MTOR: variants seen among roughly 807,000 people sequenced by gnomAD.
MTOR encodes serine/threonine-protein kinase mTOR.
A neutral mutation model predicts 319.8 loss-of-function variants in MTOR; 70 were observed. The observed-to-expected ratio is 0.22, with a 90% CI of 0.18 to 0.27. The LOEUF (loss-of-function observed/expected upper bound fraction) is 0.27, where lower values mean the gene tolerates loss of function less well. Ranked by LOEUF, MTOR falls within the 10% of genes least tolerant of loss-of-function variation. MTOR has a pLI of 1.00. For missense variants in MTOR, 1,890 were observed against 3,274.4 expected (o/e 0.58, Z 10.32); for synonymous variants, 1,183 against 1,211.4 (o/e 0.98, Z 0.49).
chr1:11,156,741 G>A (rs943924403), intron 30 of MTOR, among the ~76,000 whole-genome samples: 2 of 152,174 alleles, frequency 1.3e-5, no homozygotes, highest in African/African-American at 4.8e-5. Context: ...CACACAGTAA[G>A]CATCCGATAT....
chr1:11,174,787 C>T (rs567772899), intron 28 of MTOR, among the ~76,000 whole-genome samples: 1 of 152,302 alleles, frequency 6.6e-6, no homozygotes, highest in Non-Finnish European at 1.5e-5. Flanking sequence ...ATTCTATAAA[C>T]ACCCCCTTGG....
intron 12 of MTOR, 87 bp from the exon 13 acceptor site, chr1:11,238,135 T>A: frequency 7.8e-7 from 1 of 1,275,552 alleles, no homozygotes; most frequent in Non-Finnish European, 1.1e-6. Flanking sequence ...GCCATCAGCG[T>A]AGTGGGAAGA....
Position 11,124,498 on chromosome 1 carries a change from C to T in MTOR, c.6662G>A (p.Ser2221Asn), listed in dbSNP as rs1162159533. Reference protein sequence around the residue: ...NDPTSLRKNLSIQRYAVIPLS... With the variant: ...NDPTSLRKNLNIQRYAVIPLS... ...TTGCCATTTCAGGGTTTCTGAATAC[C>T]TGAGGTTTTTCCGAAGAGATGTTGG... Residue 2221 changes from serine (S) to asparagine (N), a missense_variant and splice_region_variant, in exon 47 of 58, where the codon AGC (serine) becomes AAC (asparagine). Ser to Asn is a conservative substitution (Grantham distance 46, BLOSUM62 1). Around this residue, in one of 15 missense-constraint regions of MTOR, gnomAD observed 249 missense variants for 596.2 expected, o/e 0.42. Coordinates refer to ENST00000361445, the MANE Select transcript of MTOR (RefSeq NM_004958.4). 6.2e-7 allele frequency: 1 copy of T among 1,605,292 alleles called. No homozygotes were observed. Among genetic ancestry groups the T allele is most frequent in the Non-Finnish European group, 8.5e-7 (1 of 1,172,554 alleles).
rs141591399 is a variant in MTOR at position 11,133,688 on chromosome 1, T to C, written c.5247-491A>G. Among the ~76,000 whole-genome samples, 73 of 152,324 alleles carry C rather than the reference T, an allele frequency of 4.8e-4. No homozygotes were observed. Among genetic ancestry groups the C allele is most frequent in the African/African-American group, 1.7e-3 (69 of 41,562 alleles). On this transcript the variant is annotated intron_variant, in intron 37 of 57. Coordinates refer to ENST00000361445, the MANE Select transcript of MTOR (RefSeq NM_004958.4). The surrounding 1 kb of genome is among the most constrained non-coding windows in gnomAD (Gnocchi z 4.0). ...CACTACTTTATACCACCCTAGGAAA[T>C]AGAAACTGTTACTATCCCTTTTATA...
At chr1:11,188,447 G>C (rs1645393108) in intron 28 of MTOR, among the ~76,000 whole-genome samples, 1 of 152,148 alleles carries the variant, frequency 6.6e-6, no homozygotes, top group South Asian at 2.1e-4. Flanking sequence ...TGAGACTCTA[G>C]ATATGGATTT....
At chr1:11,216,316 T>C in intron 19 of MTOR, 82 bp from the exon 20 acceptor site, 1 of 968,520 alleles carries the variant, frequency 1.0e-6, no homozygotes, top group Non-Finnish European at 1.6e-6. Flanking sequence ...TGTGAACAAA[T>C]AAAGGCAACT....
rs545557413 is a variant in MTOR, at chr1:11,242,414, C to T, written c.1412+700G>A. 6.1e-4 allele frequency among the ~76,000 whole-genome samples: 86 copies of T among 140,310 alleles called. 1 individual carries two copies. The highest frequency in any genetic ancestry group is 2.1e-3 in the African/African-American group (82 of 39,292). 92.0% of individuals were successfully genotyped at this position (140,310 alleles called of 152,430 possible). ...ACTCAGGAGGCTGAGGCAGGAGAAT[C>T]GCTTGAACCTGAGAGGAGGAGGTTG... On this transcript the variant is annotated intron_variant, in intron 9 of 57. Transcript: ENST00000361445.
intron 28 of MTOR, among the ~76,000 whole-genome samples, chr1:11,194,053 G>A (rs538732147): frequency 1.3e-5 from 2 of 152,316 alleles, no homozygotes; most frequent in African/African-American, 4.8e-5. Context: ...CCGAACACTA[G>A]TCTCTGCTCT....
At position 11,129,719 on chromosome 1, in the gene MTOR, T is replaced by C; in HGVS notation, c.5714+19A>G. 2 of 1,606,600 alleles carry C rather than the reference T, an allele frequency of 1.2e-6. No homozygotes were observed. Among genetic ancestry groups the C allele is most frequent in the Non-Finnish European group, 1.7e-6 (2 of 1,173,420 alleles). Reference sequence around the variant, plus strand: ...ATTAACATGGCCTACCAGAGTTGCATCCTTCCCTTCTCTGATACCTGAGTG... The same window carrying C: ...ATTAACATGGCCTACCAGAGTTGCACCCTTCCCTTCTCTGATACCTGAGTG... On this transcript the variant is annotated intron_variant, in intron 40 of 57. Coordinates refer to ENST00000361445, the MANE Select transcript of MTOR (RefSeq NM_004958.4). This position sits in a 1 kb window ranked among gnomAD's most constrained non-coding sequence, Gnocchi z 4.7.
Position 11,127,204 on chromosome 1 carries a change from A to G in MTOR, c.6217-60T>C. On this transcript the variant is annotated intron_variant, in intron 44 of 57. Transcript: ENST00000361445. The surrounding 1 kb of genome is among the most constrained non-coding windows in gnomAD (Gnocchi z 5.5). ...AAAGTCTCAACCAACCCAGGAGGCA[A>G]AATCCCCAGGCTGACTGCAGATATT... 3 of 1,604,516 alleles carry G rather than the reference A, an allele frequency of 1.9e-6. No homozygotes were observed. The highest frequency in any genetic ancestry group is 2.6e-6 in the Non-Finnish European group (3 of 1,176,074).
At chr1:11,156,501 C>T (rs1317692644) in intron 30 of MTOR, among the ~76,000 whole-genome samples, 2 of 152,136 alleles carry the variant, frequency 1.3e-5, no homozygotes, top group Non-Finnish European at 2.9e-5. Context: ...TACCTGTTTC[C>T]CCCCTACCTT....
chr1:11,217,789 T>C (rs1157727876), intron 19 of MTOR, among the ~76,000 whole-genome samples: 2 of 151,802 alleles, frequency 1.3e-5, no homozygotes, highest in African/African-American at 4.8e-5. Context: ...TGAACATATG[T>C]ATTTTCACTC....
intron 28 of MTOR, among the ~76,000 whole-genome samples, chr1:11,192,103 C>T (rs1444252297): frequency 2.0e-5 from 3 of 152,148 alleles, no homozygotes; most frequent in Non-Finnish European, 4.4e-5. Flanking sequence ...AGCCAAAATA[C>T]ACCCCCTCTG....
At chr1:11,188,536 T>A (rs181859925) in intron 28 of MTOR, among the ~76,000 whole-genome samples, 1 of 152,336 alleles carries the variant, frequency 6.6e-6, no homozygotes, top group African/African-American at 2.4e-5. Context: ...ATGGGCCTGT[T>A]CTCTGTCCTG....
At chr1:11,236,555 T>G (rs1271989396) in intron 13 of MTOR, among the ~76,000 whole-genome samples, 1 of 150,936 alleles carries the variant, frequency 6.6e-6, no homozygotes, top group Non-Finnish European at 1.5e-5. Flanking sequence ...GTCGCCAGGC[T>G]GGAGTGCAGT....
At chr1:11,249,436 T>G (rs1649299846) in intron 6 of MTOR, among the ~76,000 whole-genome samples, 1 of 151,972 alleles carries the variant, frequency 6.6e-6, no homozygotes, top group Admixed American at 6.6e-5. Context: ...TATTTATTTT[T>G]TATTGATCAT....
intron 28 of MTOR, among the ~76,000 whole-genome samples, chr1:11,172,340 G>A (rs1405334555): frequency 5.9e-5 from 9 of 151,416 alleles, no homozygotes; most frequent in African/African-American, 1.9e-4. Flanking sequence ...GGCAGATCAC[G>A]AGGTCAGGAG....
At chr1:11,241,489 A>G in intron 10 of MTOR, 64 bp downstream of exon 10, 1 of 1,533,374 alleles carries the variant, frequency 6.5e-7, no homozygotes, top group Non-Finnish European at 8.8e-7. Flanking sequence ...TTCTTTTAAC[A>G]GTCCCAACAC....
rs2100412066 is a variant in MTOR at position 11,127,969 on chromosome 1, A to G, written c.6033+35T>C. Reference sequence around the variant, plus strand: ...ACTTGCGCCCACCAGCTAAGGGACCAGGGTCTATGAAGCCCCACAGTGGCT... The same window carrying G: ...ACTTGCGCCCACCAGCTAAGGGACCGGGGTCTATGAAGCCCCACAGTGGCT... On this transcript the variant is annotated intron_variant, in intron 43 of 57. Transcript: ENST00000361445. The surrounding 1 kb of genome is among the most constrained non-coding windows in gnomAD (Gnocchi z 5.5). 9 of 1,611,910 alleles carry G rather than the reference A, an allele frequency of 5.6e-6. No homozygotes were observed. The South Asian group carries it at 9.9e-5, about 18-fold the overall frequency.
Sources: allele counts gnomAD v4.1 joint callset (sites outside exome capture counted in the v4.1 genomes callset), GRCh38; gene constraint gnomAD v4.1.1; regional missense constraint gnomAD v4.1.1; non-coding constraint Gnocchi (gnomAD v3.1); transcripts MANE v1.5; gene names NCBI Gene and HGNC (gene_info 2026-07-23, HGNC 2026-07-21).